ATAD5: variants seen among roughly 807,000 people sequenced by gnomAD.
The protein encoded by ATAD5 is ATPase family AAA domain containing 5, also known as ATPase family AAA domain-containing protein 5.
ATAD5 carries 58 observed loss-of-function variants against 176.9 expected under a neutral mutation model. The ratio of observed to expected loss-of-function variants is 0.33; its 90% CI spans 0.27 to 0.41. The LOEUF (loss-of-function observed/expected upper bound fraction) is 0.41. Among genes scored for constraint, ATAD5 ranks in the 10% least tolerant of loss-of-function variants. The pLI is 1.00. For missense variants in ATAD5, 1,789 were observed against 2,094.1 expected (o/e 0.85, Z 2.84); for synonymous variants, 640 against 712.6 (o/e 0.90, Z 1.62).
intron 10 of ATAD5, chr17:30,862,000 A>G (rs1907665116): frequency 6.7e-6 from 1 of 148,610 alleles, no homozygotes; most frequent in Non-Finnish European, 1.5e-5. Context: ...ACTGACCTCA[A>G]GTGAAGGGAT....
At chr17:30,855,690 AATT>A (rs1907256985) in intron 7 of ATAD5, among the ~76,000 whole-genome samples, 8 of 151,984 alleles carry the variant, frequency 5.3e-5, no homozygotes, top group Admixed American at 5.3e-4. Context: ...TAACTAACTT[AATT>A]AATTAATTAA....
chr17:30,893,346 A>G lies in ATAD5; in HGVS notation c.4493A>G (p.Glu1498Gly), dbSNP rs746026643. 3.0e-5 allele frequency: 47 copies of G among 1,591,080 alleles called. No homozygotes were observed. The East Asian group carries it at 1.0e-3, about 34-fold the overall frequency. Residue 1498 changes from glutamate to glycine, a missense_variant, in exon 21 of 23, where the codon GAA becomes GGA. Coordinates refer to ENST00000321990, the MANE Select transcript of ATAD5 (RefSeq NM_024857.5). Reference protein sequence around the residue: ...EWHKFIQLLTEFQMRNVDFLY... With the variant: ...EWHKFIQLLTGFQMRNVDFLY... ...CATAAATTCATCCAGCTTCTTACAG[A>G]ATTCCAAATGCGGAATGTAGATTTT...
chr17:30,848,852 T>C (rs761636929), intron 6 of ATAD5, among the ~76,000 whole-genome samples: 56 of 152,148 alleles, frequency 3.7e-4, no homozygotes, highest in Non-Finnish European at 7.2e-4. Flanking sequence ...TTGTCAAATA[T>C]ATCATTAGTT....
intron 6 of ATAD5, among the ~76,000 whole-genome samples, chr17:30,850,860 TATATATATA>T (rs1321464874): frequency 3.6e-4 from 13 of 35,874 alleles, no homozygotes; most frequent in South Asian, 1.6e-3. Context: ...TATATATATA[TATATATATA>T]TTTTTTTTTT....
chr17:30,881,015 A>T (rs945562715), intron 18 of ATAD5, among the ~76,000 whole-genome samples: 4 of 151,830 alleles, frequency 2.6e-5, no homozygotes, highest in Admixed American at 6.6e-5. Flanking sequence ...TACGATGATG[A>T]ACAAGGCACT....
intron 14 of ATAD5, among the ~76,000 whole-genome samples, chr17:30,874,307 C>T (rs1362074314): frequency 1.3e-5 from 2 of 151,756 alleles, no homozygotes; most frequent in Non-Finnish European, 1.5e-5. Context: ...CTTTGGGAGG[C>T]TGAGGTGGGC....
At chr17:30,833,392 A>C (rs1333809671) in intron 1 of ATAD5, among the ~76,000 whole-genome samples, 3 of 152,206 alleles carry the variant, frequency 2.0e-5, no homozygotes, top group Admixed American at 2.0e-4. Flanking sequence ...ACCATTTAAT[A>C]TGTTAGGGGT....
intron 8 of ATAD5, 110 bp downstream of exon 8, chr17:30,857,222 A>ATTTT: frequency 4.2e-6 from 4 of 962,548 alleles, no homozygotes; most frequent in Non-Finnish European, 4.2e-6. Context: ...CTAGAGTTTA[A>ATTTT]TTTTTTTTTT....
intron 17 of ATAD5, among the ~76,000 whole-genome samples, chr17:30,878,739 T>G (rs1280329304): frequency 3.2e-5 from 4 of 125,940 alleles, no homozygotes; most frequent in African/African-American, 1.2e-4. Context: ...TTTTTTTTTT[T>G]TTTTTTTTTG....
chr17:30,884,479 A>T (rs1597995174), intron 18 of ATAD5, among the ~76,000 whole-genome samples: 1 of 117,636 alleles, frequency 8.5e-6, no homozygotes, highest in African/African-American at 3.5e-5. Flanking sequence ...CCTGGGCTGG[A>T]GTGCAGTGGC....
chr17:30,892,778 C>T lies in ATAD5; in HGVS notation c.4430C>T (p.Ser1477Leu). The change falls in exon 20 of 23, where the codon TCA becomes TTA. Residue 1477 changes from serine (S) to leucine (L), a missense_variant. Physicochemically the swap from Ser to Leu is moderately radical, Grantham distance 145. Around this residue, in one of 6 missense-constraint regions of ATAD5, gnomAD observed 403 missense variants for 495.1 expected, o/e 0.81. Transcript: ENST00000321990. The stretch of plus-strand genomic sequence containing the variant: ...TTTTCCCCATCTGAAGACTTATTTT[C>T]ATTTTTAAAGGTATTTTCAATGTCT... ...NIFSPSEDLF[S>L]FLKHKITMKE... 6.4e-7 allele frequency: 1 copy of T among 1,558,310 alleles called. No individual in the cohort carries two copies. The highest frequency in any genetic ancestry group is 2.3e-5 in the East Asian group (1 of 43,284).
rs913356908 is a variant in ATAD5, at chr17:30,894,278, G to A, written c.5297+128G>A. 9.3e-6 allele frequency: 8 copies of A among 863,578 alleles called. No individual in the cohort carries two copies. The African/African-American group carries it at 1.4e-4, about 15-fold the overall frequency. The allele number at this position is 863,578 out of a possible 1,614,324, so 53.5% of individuals were successfully genotyped here. The stretch of plus-strand genomic sequence containing the variant: ...GTAAGCCCTTAACATTAATAATGTA[G>A]CTTCTAATGAGATAGCTAAAGAGAC... On this transcript the variant is annotated intron_variant, in intron 21 of 22. Transcript: ENST00000321990.
intron 10 of ATAD5, among the ~76,000 whole-genome samples, 196 bp from the exon 11 acceptor site, chr17:30,865,508 T>G (rs1006831193): frequency 6.6e-6 from 1 of 151,504 alleles, no homozygotes; most frequent in African/African-American, 2.4e-5. Flanking sequence ...TGGTGGTTAT[T>G]TTTTTTTAGG....
At chr17:30,884,410 ATTTCT>A (rs1909193237) in intron 18 of ATAD5, among the ~76,000 whole-genome samples, 2 of 112,332 alleles carry the variant, frequency 1.8e-5, no homozygotes, top group African/African-American at 3.5e-5. Context: ...CTTGCATTAT[ATTTCT>A]TTTCTTTTCT....
intron 18 of ATAD5, among the ~76,000 whole-genome samples, chr17:30,884,424 C>CTT (rs61664127): frequency 0.017 from 1,365 of 80,892 alleles, 62 homozygotes; most frequent in African/African-American, 0.058. Context: ...CTTTTCTTTT[C>CTT]TTTTTTTTTT....
intron 20 of ATAD5, 32 bp from the exon 21 acceptor site, chr17:30,893,262 G>A: frequency 6.5e-7 from 1 of 1,537,394 alleles, no homozygotes; most frequent in East Asian, 2.2e-5. Flanking sequence ...ATGTACTGCT[G>A]TAACATTTCT....
At chr17:30,887,989 G>A (rs1427003117) in intron 19 of ATAD5, among the ~76,000 whole-genome samples, 1 of 151,488 alleles carries the variant, frequency 6.6e-6, no homozygotes, top group Non-Finnish European at 1.5e-5. Context: ...CCACCATCAC[G>A]CCCAGCTAAT....
At chr17:30,850,837 A>T (rs1474554939) in intron 6 of ATAD5, among the ~76,000 whole-genome samples, 1 of 5,826 alleles carries the variant, frequency 1.7e-4, no homozygotes, top group South Asian at 0.01. Flanking sequence ...ATATTTTTAT[A>T]TATATATATA....
In ATAD5 at chr17:30,843,985, T is replaced by A. The variant is rs778235062; in HGVS notation, c.2314T>A (p.Cys772Ser). 4 of 1,562,208 alleles carry A rather than the reference T, an allele frequency of 2.6e-6. No individual in the cohort carries two copies. Among genetic ancestry groups the A allele is most frequent in the Admixed American group, 1.9e-5 (1 of 51,288 alleles). The change falls in exon 5 of 23, where the codon TGT (cysteine) becomes AGT (serine). Residue 772 changes from cysteine to serine, a missense_variant. Around this residue, in one of 6 missense-constraint regions of ATAD5, gnomAD observed 487 missense variants for 573.6 expected, o/e 0.85. Transcript: ENST00000321990. ...AGAGAAAAATCAGAAGAAACTTCAG[T>A]GTTTGAATGATGTGCTAGGAAAAAA... is the stretch of plus-strand genomic sequence containing the variant. ...HPEKNQKKLQCLNDVLGKKLN... is the reference protein window; with the variant it reads ...HPEKNQKKLQSLNDVLGKKLN...
Sources: gnomAD v4.1 joint callset for allele counts (sites outside exome capture counted in the v4.1 genomes callset) on GRCh38, gnomAD v4.1.1 for gene constraint, gnomAD v4.1.1 regional missense constraint, MANE v1.5 for transcripts, NCBI Gene and HGNC (gene_info 2026-07-23, HGNC 2026-07-21) for gene names.